PARP1: variants seen among roughly 807,000 people sequenced by gnomAD.
PARP1 encodes the protein poly [ADP-ribose] polymerase 1.
Under a neutral mutation model 118.7 loss-of-function variants are expected in PARP1, and 44 were observed. That is an observed-to-expected ratio of 0.37 (90% CI 0.29 to 0.48). The LOEUF (loss-of-function observed/expected upper bound fraction) is 0.48. Ranked by LOEUF, PARP1 falls within the 20% of genes least tolerant of loss-of-function variation. The pLI, the probability that PARP1 is intolerant of heterozygous loss-of-function variation, is 0.99. For synonymous variants in PARP1, 492 were observed against 483.2 expected (o/e 1.02, Z -0.24); for missense variants, 1,100 against 1,272.4 (o/e 0.86, Z 2.06).
At chr1:226,379,528 T>TG (rs781706215) in intron 11 of PARP1, 45 bp downstream of exon 11, 130 of 1,493,036 alleles carry the variant, frequency 8.7e-5, no homozygotes, top group African/African-American at 2.2e-4. Flanking sequence ...AGCTGGGGGT[T>TG]GGGGGGCGGC....
chr1:226,371,939 G>A (rs1390722635), intron 14 of PARP1, among the ~76,000 whole-genome samples: 3 of 152,362 alleles, frequency 2.0e-5, no homozygotes, highest in African/African-American at 2.4e-5. Context: ...CAGGCACAGC[G>A]CTGGACAGCG....
intron 1 of PARP1, among the ~76,000 whole-genome samples, chr1:226,403,734 G>T (rs988178065): frequency 6.6e-6 from 1 of 152,190 alleles, no homozygotes; most frequent in African/African-American, 2.4e-5. Context: ...CCGGCAGGAA[G>T]AGCTACTTAA....
At chr1:226,388,410 A>C (rs1205671331) in intron 5 of PARP1, among the ~76,000 whole-genome samples, 10 of 152,244 alleles carry the variant, frequency 6.6e-5, no homozygotes, top group Admixed American at 6.5e-4. Flanking sequence ...CAGAGCACTC[A>C]GCCCTTGCTC....
Position 226,368,180 on chromosome 1 carries a change from T to G in PARP1, c.2277+19A>C, listed in dbSNP as rs763245122. 4.3e-6 allele frequency: 7 copies of G among 1,614,074 alleles called. No homozygotes were observed. Among genetic ancestry groups the G allele is most frequent in the Non-Finnish European group, 5.9e-6 (7 of 1,179,996 alleles). ...CCCAGCCCAGCAGACCTGCAGTCCCTTCTGAACCCTTGCGCTACCTGCACA... is the reference window on the plus strand; with the variant it reads ...CCCAGCCCAGCAGACCTGCAGTCCCGTCTGAACCCTTGCGCTACCTGCACA... On this transcript the variant is annotated intron_variant, in intron 16 of 22. Transcript: ENST00000366794.
chr1:226,401,369 GAGCAGC>G (rs1665033206), intron 2 of PARP1, among the ~76,000 whole-genome samples: 1 of 152,226 alleles, frequency 6.6e-6, no homozygotes, highest in Admixed American at 6.5e-5. Context: ...ACTGTGCTGA[GAGCAGC>G]AGCTCAAAGG....
intron 14 of PARP1, among the ~76,000 whole-genome samples, chr1:226,371,610 G>T (rs1006266129): frequency 1.3e-5 from 2 of 152,192 alleles, no homozygotes; most frequent in African/African-American, 4.8e-5. Context: ...ATCTGGGGAA[G>T]AAGGTGGATA....
At chr1:226,399,656 T>C (rs1664989996) in intron 2 of PARP1, among the ~76,000 whole-genome samples, 1 of 152,196 alleles carries the variant, frequency 6.6e-6, no homozygotes. Flanking sequence ...TGAGCCCTCA[T>C]GTAAACTACA....
At chr1:226,404,775 T>C (rs1287681926) in intron 1 of PARP1, among the ~76,000 whole-genome samples, 2 of 152,254 alleles carry the variant, frequency 1.3e-5, no homozygotes, top group East Asian at 3.8e-4. Flanking sequence ...TCTTTGGCTG[T>C]GCACCCAAGC....
Position 226,380,045 on chromosome 1 carries a change from A to G in PARP1, c.1420T>C (p.Leu474=). The G allele has an allele frequency of 6.2e-7, 1 of 1,614,226 alleles. No homozygotes were observed. Among genetic ancestry groups the G allele is most frequent in the Non-Finnish European group, 8.5e-7 (1 of 1,180,036 alleles). Residue 474 remains leucine, a synonymous_variant, in exon 10 of 23, where the codon TTA becomes CTA. Transcript: ENST00000366794. The part of the protein sequence containing the change: ...ASTKSLQELF[L]AHILSPWGAE... ...CCCCAAGGGGACAAGATGTGCGCTAAGAACAACTCCTGAAGGCTCTTGGTG... is the reference window on the plus strand; with the variant it reads ...CCCCAAGGGGACAAGATGTGCGCTAGGAACAACTCCTGAAGGCTCTTGGTG...
intron 21 of PARP1, chr1:226,362,362 T>C (rs1453585028): frequency 2.5e-6 from 1 of 406,108 alleles, no homozygotes; most frequent in African/African-American, 2.1e-5. Flanking sequence ...ATTTTCTGTA[T>C]TTTAGTAGAG....
chr1:226,368,393 T>C (rs1805400), intron 15 of PARP1, 72 bp from the exon 16 acceptor site: 1,604,761 of 1,609,210 alleles, frequency 1, 800,288 homozygotes, highest in East Asian at 1. Flanking sequence ...GCTTTCTCTT[T>C]TAGCAGGTGG....
intron 9 of PARP1, 136 bp from the exon 10 acceptor site, chr1:226,380,300 GCTCC>G: frequency 1.1e-6 from 1 of 872,120 alleles, no homozygotes; most frequent in Non-Finnish European, 1.8e-6. Context: ...CAAGTCTAAT[GCTCC>G]CAAGAGTGTT....
At position 226,376,114 on chromosome 1, in the gene PARP1, T is replaced by C. The variant is rs3219096; in HGVS notation, c.1941+994A>G. 6.6e-3 allele frequency among the ~76,000 whole-genome samples: 1,002 copies of C among 152,294 alleles called. 14 individuals are homozygous for C. Among genetic ancestry groups the C allele is most frequent in the African/African-American group, 0.023 (951 of 41,558 alleles). Reference sequence around the variant, plus strand: ...CAAGATGTAAATCCTATTTTTAATATGGAGAGTTCATGAGGCCCTCTGTAA... The same window carrying C: ...CAAGATGTAAATCCTATTTTTAATACGGAGAGTTCATGAGGCCCTCTGTAA... On this transcript the variant is annotated intron_variant, in intron 13 of 22. Transcript: ENST00000366794.
At position 226,388,761 on chromosome 1, in the gene PARP1, GGA is replaced by G. The variant is rs1558239889; in HGVS notation, c.618-8_618-7del. Reference sequence around the variant, plus strand: ...CCTCATCGCCTTTTCTCTTTCTGAAGGAGACACAGGATATGAGAGACAGCCAG... The same window carrying G: ...CCTCATCGCCTTTTCTCTTTCTGAAGGACACAGGATATGAGAGACAGCCAG... On this transcript the variant is annotated splice_region_variant and splice_polypyrimidine_tract_variant and intron_variant, in intron 4 of 22. Coordinates refer to ENST00000366794, the MANE Select transcript of PARP1 (RefSeq NM_001618.4). 6.2e-7 allele frequency: 1 copy of G among 1,606,508 alleles called. No individual in the cohort carries two copies.
chr1:226,381,989 G>A (rs1015205531), intron 8 of PARP1, among the ~76,000 whole-genome samples: 11 of 152,194 alleles, frequency 7.2e-5, no homozygotes, highest in African/African-American at 2.7e-4. Flanking sequence ...CCTCCATGGA[G>A]GGGTCAGAAT....
At chr1:226,379,473 ACTGC>A in intron 11 of PARP1, 96 bp downstream of exon 11, 2 of 1,157,366 alleles carry the variant, frequency 1.7e-6, no homozygotes, top group Admixed American at 3.5e-5. Context: ...GCACGACCAC[ACTGC>A]CCCAGGTATG....
In PARP1 at chr1:226,396,711, C is replaced by A. The variant is rs183756617; in HGVS notation, c.287-4397G>T. ...ACACATTTTCAGTAAAATCATTATG[C>A]CTTTTCATATTATAAAATTACACTT... On this transcript the variant is annotated intron_variant, in intron 2 of 22. Coordinates refer to ENST00000366794, the MANE Select transcript of PARP1 (RefSeq NM_001618.4). Among the ~76,000 whole-genome samples, 253 of 152,158 alleles carry A rather than the reference C, an allele frequency of 1.7e-3. 1 individual carries two copies. The highest frequency in any genetic ancestry group is 6.0e-3 in the African/African-American group (248 of 41,516).
Position 226,407,890 on chromosome 1 carries a change from C to A in PARP1, c.40G>T (p.Ala14Ser). The change falls in exon 1 of 23, where the codon GCC becomes TCC. Residue 14 changes from alanine to serine, a missense_variant. By Grantham distance (99) the Ala-to-Ser change is moderately conservative (BLOSUM62 1). Coordinates refer to ENST00000366794, the MANE Select transcript of PARP1 (RefSeq NM_001618.4). ...TTGCAAGAGGCGCGCCCGCTCTTGG[C>A]GTACTCGACTCGATAGAGCTTATCC... The part of the protein sequence containing the change: ...SSDKLYRVEY[A>S]KSGRASCKKC... 6.2e-7 allele frequency: 1 copy of A among 1,612,008 alleles called. No individual in the cohort carries two copies. The highest frequency in any genetic ancestry group is 8.5e-7 in the Non-Finnish European group (1 of 1,178,964).
chr1:226,377,023 A>T, intron 13 of PARP1, 85 bp downstream of exon 13: 1 of 1,194,374 alleles, frequency 8.4e-7, no homozygotes, highest in Non-Finnish European at 1.3e-6. Context: ...CTATGATGCC[A>T]CCTGATCCAC....
Sources: gnomAD v4.1 joint callset for allele counts (sites outside exome capture counted in the v4.1 genomes callset) on GRCh38, gnomAD v4.1.1 for gene constraint, MANE v1.5 for transcripts, NCBI Gene and HGNC (gene_info 2026-07-23, HGNC 2026-07-21) for gene names.